The following NDUFAF2 variants were observed in gnomAD, a reference collection of about 807,000 sequenced individuals.
The protein encoded by NDUFAF2 is NADH:ubiquinone oxidoreductase complex assembly factor 2.
A neutral mutation model predicts 22.8 loss-of-function variants in NDUFAF2; 13 were observed. That is an observed-to-expected ratio of 0.57 (90% CI 0.37 to 0.91). The LOEUF (loss-of-function observed/expected upper bound fraction) is 0.91. Among genes scored for constraint, NDUFAF2 ranks in the 40% least tolerant of loss-of-function variants. The pLI is 0.01. For missense variants in NDUFAF2, 162 were observed against 195.2 expected (o/e 0.83, Z 1.01); for synonymous variants, 53 against 64.2 (o/e 0.83, Z 0.84).
chr5:60,965,165 C>T (rs1425759967), intron 1 of NDUFAF2, among the ~76,000 whole-genome samples: 2 of 152,144 alleles, frequency 1.3e-5, no homozygotes, highest in Non-Finnish European at 2.9e-5. Context: ...AAAAATTGTA[C>T]TGACCTGAGC....
intron 3 of NDUFAF2, among the ~76,000 whole-genome samples, chr5:61,137,437 T>A (rs566966484): frequency 6.6e-6 from 1 of 152,360 alleles, no homozygotes; most frequent in Admixed American, 6.5e-5. Context: ...ATAAGGATTA[T>A]GAGATATGAT....
intron 3 of NDUFAF2, among the ~76,000 whole-genome samples, chr5:61,117,880 A>T (rs1184324420): frequency 6.6e-6 from 1 of 152,136 alleles, no homozygotes; most frequent in Non-Finnish European, 1.5e-5. Flanking sequence ...ATATCCAATA[A>T]AACGTTATTT....
intron 2 of NDUFAF2, among the ~76,000 whole-genome samples, chr5:61,091,307 T>C (rs143963321): frequency 4.6e-5 from 7 of 152,302 alleles, no homozygotes; most frequent in African/African-American, 1.7e-4. Flanking sequence ...CCACCAACAA[T>C]GTATAGCATT....
intron 3 of NDUFAF2, among the ~76,000 whole-genome samples, chr5:61,118,723 A>T (rs1752942539): frequency 6.6e-6 from 1 of 152,242 alleles, no homozygotes; most frequent in African/African-American, 2.4e-5. Flanking sequence ...AATGTGCAAG[A>T]TGGTGCATAG....
intron 1 of NDUFAF2, among the ~76,000 whole-genome samples, chr5:61,030,811 T>A (rs900487405): frequency 3.9e-5 from 6 of 152,142 alleles, no homozygotes; most frequent in Non-Finnish European, 7.3e-5. Context: ...ATTCTTCATA[T>A]AACTAATGAG....
intron 1 of NDUFAF2, among the ~76,000 whole-genome samples, chr5:60,961,261 A>G (rs1415869215): frequency 6.6e-6 from 1 of 151,160 alleles, no homozygotes; most frequent in Non-Finnish European, 1.5e-5. Context: ...GGAGTTCAAG[A>G]TCAGCCAGGC....
chr5:61,152,653 CTTT>C, intron 3 of NDUFAF2, 48 bp from the exon 4 acceptor site: 4 of 1,333,914 alleles, frequency 3.0e-6, no homozygotes, highest in Non-Finnish European at 4.0e-6. Flanking sequence ...TTTATAAAAA[CTTT>C]TTTTAACTAG....
At chr5:61,112,100 A>T (rs1394753922) in intron 3 of NDUFAF2, among the ~76,000 whole-genome samples, 1 of 151,826 alleles carries the variant, frequency 6.6e-6, no homozygotes, top group Non-Finnish European at 1.5e-5. Context: ...AGCTCTAATA[A>T]TATTTGCATT....
At chr5:61,059,912 T>C (rs928257776) in intron 1 of NDUFAF2, among the ~76,000 whole-genome samples, 3 of 152,156 alleles carry the variant, frequency 2.0e-5, no homozygotes, top group Non-Finnish European at 4.4e-5. Flanking sequence ...TAATAGCTTA[T>C]GATAGTCATG....
chr5:60,960,760 C>G (rs1750673024), intron 1 of NDUFAF2, among the ~76,000 whole-genome samples: 1 of 152,096 alleles, frequency 6.6e-6, no homozygotes, highest in African/African-American at 2.4e-5. Context: ...TATTTTTACA[C>G]TTAAAAGGCT....
At chr5:61,057,510 A>G (rs974223285) in intron 1 of NDUFAF2, among the ~76,000 whole-genome samples, 1 of 152,184 alleles carries the variant, frequency 6.6e-6, no homozygotes, top group Non-Finnish European at 1.5e-5. Flanking sequence ...GGACTGGGGA[A>G]TCTCAGAAGT....
At chr5:61,136,005 TTATATATATATATATA>T (rs57756292) in intron 3 of NDUFAF2, among the ~76,000 whole-genome samples, 51,963 of 96,138 alleles carry the variant, frequency 0.54, 15,580 homozygotes, top group East Asian at 0.86. Context: ...AAGCCTGTCT[TTATATATATATATATA>T]TATATATATA....
chr5:60,965,664 C>G (rs1750750087), intron 1 of NDUFAF2, among the ~76,000 whole-genome samples: 1 of 152,104 alleles, frequency 6.6e-6, no homozygotes, highest in African/African-American at 2.4e-5. Flanking sequence ...GTAGTATCTT[C>G]CAGGTTCATT....
At chr5:61,109,827 C>A (rs368100038) in intron 3 of NDUFAF2, among the ~76,000 whole-genome samples, 1 of 152,134 alleles carries the variant, frequency 6.6e-6, no homozygotes, top group East Asian at 1.9e-4. Flanking sequence ...TTCCTGAGGC[C>A]TCCCCAGCCG....
intron 1 of NDUFAF2, among the ~76,000 whole-genome samples, chr5:60,954,196 A>C (rs1431474578): frequency 6.6e-6 from 1 of 152,176 alleles, no homozygotes; most frequent in Non-Finnish European, 1.5e-5. Flanking sequence ...CCAAAGACCT[A>C]TGATGTGGCT....
intron 1 of NDUFAF2, among the ~76,000 whole-genome samples, chr5:60,979,010 C>G (rs886812495): frequency 6.6e-6 from 1 of 152,168 alleles, no homozygotes; most frequent in East Asian, 1.9e-4. Flanking sequence ...AGTTCTGAGA[C>G]CTCCATTTCA....
At chr5:61,063,438 A>C (rs2111717750) in intron 1 of NDUFAF2, among the ~76,000 whole-genome samples, 1 of 152,176 alleles carries the variant, frequency 6.6e-6, no homozygotes, top group Admixed American at 6.6e-5. Flanking sequence ...TTGAGTCTGC[A>C]GTTAGCCATG....
intron 3 of NDUFAF2, among the ~76,000 whole-genome samples, chr5:61,105,255 G>A (rs1321016775): frequency 1.3e-5 from 2 of 150,966 alleles, no homozygotes; most frequent in African/African-American, 2.5e-5. Flanking sequence ...GGATTTTTCA[G>A]GCCCATTTCA....
At position 61,128,522 on chromosome 5, in the gene NDUFAF2, G is replaced by A. The variant is rs1251162879; in HGVS notation, c.259-24182G>A. 2.7e-4 allele frequency among the ~76,000 whole-genome samples: 41 copies of A among 152,092 alleles called. No individual in the cohort carries two copies. In the East Asian group the frequency reaches 6.4e-3, roughly 24 times the overall value. On this transcript the variant is annotated intron_variant, in intron 3 of 3. Coordinates refer to ENST00000296597, the MANE Select transcript of NDUFAF2 (RefSeq NM_174889.5). ...CATCTACAACTATCTGATCTTTGAT[G>A]AACCTGACAAAAACAAGAAATGGGG...
Sources: allele counts gnomAD v4.1 joint callset (sites outside exome capture counted in the v4.1 genomes callset), GRCh38; gene constraint gnomAD v4.1.1; transcripts MANE v1.5; gene names NCBI Gene and HGNC (gene_info 2026-07-23, HGNC 2026-07-21).